The following NTN1 variants were observed in gnomAD, a reference collection of about 807,000 sequenced individuals.
The protein encoded by NTN1 is netrin-1.
NTN1 carries 11 observed loss-of-function variants against 54.2 expected under a neutral mutation model. The ratio of observed to expected loss-of-function variants is 0.20; its 90% CI spans 0.13 to 0.34. NTN1 has a LOEUF of 0.34. NTN1 is among the 10% of genes least tolerant of loss of function. The pLI, the probability that NTN1 is intolerant of heterozygous loss-of-function variation, is 1.00. For synonymous variants in NTN1, 371 were observed against 382.0 expected (o/e 0.97, Z 0.33); for missense variants, 740 against 893.1 (o/e 0.83, Z 2.18).
intron 2 of NTN1, among the ~76,000 whole-genome samples, chr17:9,067,997 T>A (rs563674220): frequency 6.6e-6 from 1 of 152,276 alleles, no homozygotes; most frequent in South Asian, 2.1e-4. Context: ...TTGCTTGAGC[T>A]GAGGAGTTTG....
chr17:9,103,474 T>C (rs1384167773), intron 2 of NTN1, among the ~76,000 whole-genome samples: 1 of 152,108 alleles, frequency 6.6e-6, no homozygotes, highest in African/African-American at 2.4e-5. Flanking sequence ...TCATGAGATC[T>C]GATGGTTTTA....
At position 9,022,353 on chromosome 17, in the gene NTN1, C is replaced by G; in HGVS notation, c.-21C>G. ...CGGACAGATCCTCGGCGCGGCAGGG[C>G]CGGGGCAAGCTGGACGCAGCATGAT... On this transcript the variant is annotated 5_prime_UTR_variant, in exon 2 of 7. Coordinates refer to ENST00000173229, the MANE Select transcript of NTN1 (RefSeq NM_004822.3). The G allele has an allele frequency of 7.8e-7, 1 of 1,282,432 alleles. No individual in the cohort carries two copies. The highest frequency in any genetic ancestry group is 2.8e-5 in the South Asian group (1 of 35,960). The allele number at this position is 1,282,432 out of a possible 1,614,324, so 79.4% of individuals were successfully genotyped here. A position where few individuals can be genotyped will look rare whatever the true frequency, so the allele number is the denominator to read the frequency against.
chr17:9,163,414 T>A (rs977975920), intron 3 of NTN1, among the ~76,000 whole-genome samples: 17 of 151,474 alleles, frequency 1.1e-4, no homozygotes, highest in Admixed American at 3.3e-4. Flanking sequence ...GGACTCTCTT[T>A]CACCAAATGC....
chr17:9,027,051 T>C (rs2091873693), intron 2 of NTN1, among the ~76,000 whole-genome samples: 1 of 152,088 alleles, frequency 6.6e-6, no homozygotes, highest in Non-Finnish European at 1.5e-5. Context: ...ATGCTGTCAA[T>C]AGCTCTGGTG....
intron 2 of NTN1, among the ~76,000 whole-genome samples, chr17:9,147,910 A>C (rs973058536): frequency 6.6e-6 from 1 of 152,204 alleles, no homozygotes; most frequent in Non-Finnish European, 1.5e-5. Context: ...GATCATTTTC[A>C]CCACAAAGCA....
intron 2 of NTN1, among the ~76,000 whole-genome samples, chr17:9,161,377 A>G (rs969666119): frequency 4.6e-5 from 7 of 152,202 alleles, no homozygotes; most frequent in African/African-American, 1.7e-4. Flanking sequence ...TGGAGCATAA[A>G]GAGCGAGAGG....
At chr17:9,075,252 G>T (rs1451685023) in intron 2 of NTN1, among the ~76,000 whole-genome samples, 1 of 152,180 alleles carries the variant, frequency 6.6e-6, no homozygotes, top group Admixed American at 6.5e-5. Context: ...AGGCCGAGGC[G>T]GGTGGAATAC....
At chr17:9,015,891 T>G in the NTN1 span, among the ~76,000 whole-genome samples, 2 of 151,958 alleles carry the variant, frequency 1.3e-5, no homozygotes, top group Non-Finnish European at 2.9e-5. Flanking sequence ...GCCAACATAA[T>G]GAAACCCTGT....
chr17:9,093,085 G>T (rs945599121), intron 2 of NTN1, among the ~76,000 whole-genome samples: 2 of 152,072 alleles, frequency 1.3e-5, no homozygotes, highest in Non-Finnish European at 1.5e-5. Flanking sequence ...TAGAGATGGG[G>T]TTTTGCCATG....
chr17:9,140,066 A>C (rs2092293218), intron 2 of NTN1, among the ~76,000 whole-genome samples: 1 of 152,134 alleles, frequency 6.6e-6, no homozygotes, highest in Middle Eastern at 3.2e-3. Context: ...ACGATTCACT[A>C]AACTGGTCTC....
chr17:9,051,949 A>C (rs1335368032), intron 2 of NTN1, among the ~76,000 whole-genome samples: 1 of 151,852 alleles, frequency 6.6e-6, no homozygotes, highest in Admixed American at 6.6e-5. Context: ...CCATGTGACC[A>C]AAGACACGTT....
chr17:9,091,855 T>C (rs1217130958), intron 2 of NTN1, among the ~76,000 whole-genome samples: 1 of 152,152 alleles, frequency 6.6e-6, no homozygotes, highest in African/African-American at 2.4e-5. Flanking sequence ...TGAAACTCTA[T>C]ACCCCTGAAA....
intron 2 of NTN1, among the ~76,000 whole-genome samples, chr17:9,087,368 T>C (rs1328343345): frequency 6.6e-6 from 1 of 152,000 alleles, no homozygotes; most frequent in African/African-American, 2.4e-5. Context: ...AGGTGAGAGA[T>C]GAAGCTTGAG....
At chr17:9,060,321 T>C (rs980035778) in intron 2 of NTN1, among the ~76,000 whole-genome samples, 3 of 152,240 alleles carry the variant, frequency 2.0e-5, no homozygotes, top group African/African-American at 7.2e-5. Flanking sequence ...TTCTTTTTTC[T>C]AACATGTTTT....
At chr17:9,091,748 C>T (rs188654979) in intron 2 of NTN1, among the ~76,000 whole-genome samples, 5 of 150,936 alleles carry the variant, frequency 3.3e-5, no homozygotes, top group East Asian at 2.0e-4. Flanking sequence ...CCACCGTGTC[C>T]GGCCCGTTTA....
chr17:9,201,809 C>T lies in NTN1; in HGVS notation c.1411+18840C>T, dbSNP rs186295650. The stretch of plus-strand genomic sequence containing the variant: ...TCAGGGAAACAGACTCAGAGGATGC[C>T]CTCTAAAACTGGGAAGCAAATATGG... On this transcript the variant is annotated intron_variant, in intron 5 of 6. Transcript: ENST00000173229. Among the ~76,000 whole-genome samples, 7 of 151,982 alleles carry T rather than the reference C, an allele frequency of 4.6e-5. No individual in the cohort carries two copies. In the East Asian group the frequency reaches 1.2e-3, roughly 25 times the overall value.
intron 2 of NTN1, among the ~76,000 whole-genome samples, chr17:9,110,024 T>C (rs2092184654): frequency 6.6e-6 from 1 of 152,228 alleles, no homozygotes; most frequent in Non-Finnish European, 1.5e-5. Context: ...TCCTTTGTTG[T>C]ACATGGTGCC....
intron 6 of NTN1, among the ~76,000 whole-genome samples, chr17:9,238,368 C>T (rs376011323): frequency 9.2e-5 from 14 of 152,140 alleles, no homozygotes; most frequent in East Asian, 1.9e-4. Context: ...AAAGGTGTTT[C>T]GCCCAGTGAA....
At chr17:9,222,434 G>A (rs887407725) in intron 6 of NTN1, among the ~76,000 whole-genome samples, 4 of 152,218 alleles carry the variant, frequency 2.6e-5, no homozygotes, top group African/African-American at 9.6e-5. Flanking sequence ...GGGGATCTGG[G>A]ATGAGTCCCA....
Sources: allele counts gnomAD v4.1 joint callset (sites outside exome capture counted in the v4.1 genomes callset), GRCh38; gene constraint gnomAD v4.1.1; transcripts MANE v1.5; gene names NCBI Gene and HGNC (gene_info 2026-07-23, HGNC 2026-07-21).